The following TOX variants were observed in gnomAD, a reference collection of about 807,000 sequenced individuals.
TOX encodes thymocyte selection-associated high mobility group box protein TOX.
Under a neutral mutation model 53.7 loss-of-function variants are expected in TOX, and 11 were observed. The observed-to-expected ratio is 0.20, with a 90% CI of 0.13 to 0.34. The LOEUF is 0.34. Ranked by LOEUF, TOX falls within the 10% of genes least tolerant of loss-of-function variation. TOX has a pLI of 1.00. For synonymous variants in TOX, 225 were observed against 245.3 expected (o/e 0.92, Z 0.77); for missense variants, 570 against 664.6 (o/e 0.86, Z 1.56).
At chr8:59,027,499 G>A (rs1446492853) in intron 1 of TOX, among the ~76,000 whole-genome samples, 3 of 151,616 alleles carry the variant, frequency 2.0e-5, no homozygotes, top group Non-Finnish European at 4.4e-5. Flanking sequence ...ACATGAAAAT[G>A]TTTTCTTTTT....
At chr8:58,831,765 A>G (rs17214836) in intron 5 of TOX, among the ~76,000 whole-genome samples, 8,213 of 152,244 alleles carry the variant, frequency 0.054, 307 homozygotes, top group Non-Finnish European at 0.084. Context: ...TTGAGCATCT[A>G]ATCCATGGTC....
chr8:58,864,157 T>G (rs1228823315), intron 3 of TOX, among the ~76,000 whole-genome samples: 1 of 152,128 alleles, frequency 6.6e-6, no homozygotes, highest in Non-Finnish European at 1.5e-5. Flanking sequence ...AACAATCATG[T>G]GGCCTTTCAT....
At chr8:58,869,584 G>T (rs1811164392) in intron 3 of TOX, among the ~76,000 whole-genome samples, 1 of 151,900 alleles carries the variant, frequency 6.6e-6, no homozygotes, top group Non-Finnish European at 1.5e-5. Flanking sequence ...CACAAGAAAA[G>T]AAAATTAAAG....
chr8:59,106,229 C>A (rs1040738062), intron 1 of TOX, among the ~76,000 whole-genome samples: 3 of 149,910 alleles, frequency 2.0e-5, no homozygotes, highest in East Asian at 2.0e-4. Flanking sequence ...CTCAAGATTG[C>A]AAGTTATAGA....
intron 3 of TOX, among the ~76,000 whole-genome samples, chr8:58,881,707 G>C (rs551544782): frequency 2.4e-5 from 3 of 123,232 alleles, no homozygotes; most frequent in African/African-American, 9.3e-5. Flanking sequence ...TTGGGAGACA[G>C]AGTGAGATTC....
intron 1 of TOX, among the ~76,000 whole-genome samples, chr8:58,993,749 G>A (rs533055275): frequency 6.6e-6 from 1 of 152,234 alleles, no homozygotes; most frequent in East Asian, 1.9e-4. Flanking sequence ...TAAGATGACA[G>A]ACCTTTACTC....
intron 4 of TOX, among the ~76,000 whole-genome samples, chr8:58,846,614 T>G (rs1810723437): frequency 6.6e-6 from 1 of 152,144 alleles, no homozygotes; most frequent in Non-Finnish European, 1.5e-5. Context: ...CCTGCTTCTG[T>G]CTAGTGTGGC....
At chr8:58,844,423 G>C (rs1585856412) in intron 4 of TOX, among the ~76,000 whole-genome samples, 1 of 152,260 alleles carries the variant, frequency 6.6e-6, no homozygotes, top group East Asian at 1.9e-4. Flanking sequence ...AGGGTGCTAA[G>C]ACTGGAGAGT....
intron 1 of TOX, among the ~76,000 whole-genome samples, chr8:59,082,463 T>A (rs1382260090): frequency 6.6e-6 from 1 of 152,268 alleles, no homozygotes; most frequent in East Asian, 1.9e-4. Flanking sequence ...CAGCTAGAAG[T>A]GATCTTAACA....
At chr8:58,882,937 C>T (rs1467191100) in intron 3 of TOX, among the ~76,000 whole-genome samples, 1 of 152,228 alleles carries the variant, frequency 6.6e-6, no homozygotes, top group Non-Finnish European at 1.5e-5. Flanking sequence ...AAATTCCACT[C>T]TTTAAGGTAC....
chr8:59,004,817 G>T (rs1452969050), intron 1 of TOX, among the ~76,000 whole-genome samples: 1 of 152,092 alleles, frequency 6.6e-6, no homozygotes, highest in Non-Finnish European at 1.5e-5. Context: ...TTAATCTTGG[G>T]TCATTTTTTA....
At chr8:58,838,741 C>G (rs907066052) in intron 4 of TOX, among the ~76,000 whole-genome samples, 1 of 103,156 alleles carries the variant, frequency 9.7e-6, no homozygotes, top group Non-Finnish European at 1.8e-5. Flanking sequence ...CTTGCTCTGT[C>G]GCCAGGCTGG....
At chr8:59,015,320 A>T (rs2129418990) in intron 1 of TOX, among the ~76,000 whole-genome samples, 1 of 152,360 alleles carries the variant, frequency 6.6e-6, no homozygotes, top group South Asian at 2.1e-4. Context: ...AAATTAAATT[A>T]CAGAGATTTC....
At chr8:58,954,093 T>TCCAATA (rs1293724728) in intron 2 of TOX, among the ~76,000 whole-genome samples, 21 of 152,362 alleles carry the variant, frequency 1.4e-4, no homozygotes, top group African/African-American at 5.0e-4. Flanking sequence ...GCATTGCTGA[T>TCCAATA]GATAAACAAC....
intron 1 of TOX, among the ~76,000 whole-genome samples, chr8:59,115,432 A>G (rs958934720): frequency 6.6e-6 from 1 of 152,246 alleles, no homozygotes; most frequent in African/African-American, 2.4e-5. Flanking sequence ...GTAGGTATAT[A>G]TTTAAACTGA....
At chr8:58,863,910 GAATAATGCTGCAA>G (rs1811052717) in intron 3 of TOX, among the ~76,000 whole-genome samples, 1 of 152,034 alleles carries the variant, frequency 6.6e-6, no homozygotes, top group Admixed American at 6.6e-5. Context: ...GAATTGCAGA[GAATAATGCTGCAA>G]CAAGGAGTCT....
At chr8:58,961,316 C>A (rs1812792165) in intron 1 of TOX, among the ~76,000 whole-genome samples, 1 of 152,194 alleles carries the variant, frequency 6.6e-6, no homozygotes, top group Non-Finnish European at 1.5e-5. Flanking sequence ...CAAAGGATTT[C>A]TTCGCACATC....
intron 1 of TOX, among the ~76,000 whole-genome samples, chr8:59,066,807 T>C (rs959941391): frequency 6.6e-6 from 1 of 152,214 alleles, no homozygotes; most frequent in African/African-American, 2.4e-5. Context: ...AATTTCCTTG[T>C]TCACTGTCAG....
intron 1 of TOX, among the ~76,000 whole-genome samples, chr8:58,986,172 G>A (rs1036103851): frequency 3.3e-5 from 5 of 152,208 alleles, no homozygotes; most frequent in Admixed American, 1.3e-4. Context: ...AGACAGGACA[G>A]AGAGGGCACT....
Sources: allele counts gnomAD v4.1 joint callset (sites outside exome capture counted in the v4.1 genomes callset), GRCh38; gene constraint gnomAD v4.1.1; transcripts MANE v1.5; gene names NCBI Gene and HGNC (gene_info 2026-07-23, HGNC 2026-07-21).